The following ARHGAP10 variants were observed in gnomAD, a reference collection of about 807,000 sequenced individuals.
ARHGAP10 encodes rho GTPase-activating protein 10.
ARHGAP10 carries 87 observed loss-of-function variants against 108.6 expected under a neutral mutation model. The ratio of observed to expected loss-of-function variants is 0.80; its 90% CI spans 0.67 to 0.96. The LOEUF (loss-of-function observed/expected upper bound fraction) is 0.96, where lower values mean the gene tolerates loss of function less well. Ranked by LOEUF, ARHGAP10 falls within the 40% of genes least tolerant of loss-of-function variation. ARHGAP10 has a pLI of 0.00. For synonymous variants in ARHGAP10, 347 were observed against 341.1 expected (o/e 1.02, Z -0.19); for missense variants, 939 against 954.5 (o/e 0.98, Z 0.21).
At chr4:147,990,689 A>C (rs1428154453) in intron 18 of ARHGAP10, among the ~76,000 whole-genome samples, 2 of 152,202 alleles carry the variant, frequency 1.3e-5, no homozygotes, top group Non-Finnish European at 2.9e-5. Context: ...GAAAATTATC[A>C]CATGTTCTTA....
chr4:147,784,005 AAATT>A (rs1730690972), intron 1 of ARHGAP10, among the ~76,000 whole-genome samples: 1 of 139,290 alleles, frequency 7.2e-6, no homozygotes, highest in African/African-American at 2.6e-5. Context: ...ATAACACATT[AAATT>A]ATTATATAAT....
intron 1 of ARHGAP10, among the ~76,000 whole-genome samples, chr4:147,734,020 C>T (rs1220207915): frequency 6.6e-6 from 1 of 151,282 alleles, no homozygotes; most frequent in Non-Finnish European, 1.5e-5. Context: ...GGCGCCTATA[C>T]ATATGGAGGA....
At chr4:148,046,548 G>C (rs976091762) in intron 19 of ARHGAP10, among the ~76,000 whole-genome samples, 3 of 152,192 alleles carry the variant, frequency 2.0e-5, no homozygotes, top group Non-Finnish European at 4.4e-5. Context: ...CACAGGGCTG[G>C]TGTGCTGCTT....
intron 1 of ARHGAP10, among the ~76,000 whole-genome samples, chr4:147,783,078 T>A (rs922659854): frequency 7.0e-6 from 1 of 142,126 alleles, no homozygotes; most frequent in African/African-American, 2.5e-5. Flanking sequence ...ATATAAATTA[T>A]GTGTTAAATT....
chr4:148,022,466 A>G (rs1467228849), intron 18 of ARHGAP10, among the ~76,000 whole-genome samples: 2 of 152,228 alleles, frequency 1.3e-5, no homozygotes, highest in Admixed American at 6.5e-5. Context: ...GGCCTGCAGC[A>G]TTGCTGGAAG....
chr4:147,874,077 A>G (rs1734960342), intron 7 of ARHGAP10, among the ~76,000 whole-genome samples: 2 of 151,778 alleles, frequency 1.3e-5, no homozygotes, highest in Non-Finnish European at 2.9e-5. Flanking sequence ...TACAATCTAC[A>G]TTTATCAGAC....
In ARHGAP10 at chr4:147,999,926, G is replaced by GTTT. The variant is rs11298127; in HGVS notation, c.1717-23324_1717-23322dup. On this transcript the variant is annotated intron_variant, in intron 18 of 22. Transcript: ENST00000336498. ...GGGAAAAATAGCTCCTATTAACAGT[G>GTTT]TTTTTTTTTTTTTTTAAATTATACT... Among the ~76,000 whole-genome samples, 4 of 143,456 alleles carry GTTT rather than the reference G, an allele frequency of 2.8e-5. No individual in the cohort carries two copies. In the South Asian group the frequency reaches 8.9e-4, roughly 32 times the overall value. 94.1% of individuals were successfully genotyped at this position (143,456 alleles called of 152,430 possible).
chr4:148,045,780 A>G lies in ARHGAP10; in HGVS notation c.1868-1112A>G, dbSNP rs181690095. ...AAAAAAAAAAAGAAATCCATCTAAG[A>G]TGTTTTTTGAGAGCAAGGTCCTTGC... On this transcript the variant is annotated intron_variant, in intron 19 of 22. Coordinates refer to ENST00000336498, the MANE Select transcript of ARHGAP10 (RefSeq NM_024605.4). Among the ~76,000 whole-genome samples, 151 of 140,894 alleles carry G rather than the reference A, an allele frequency of 1.1e-3. 2 individuals carry two copies. Among genetic ancestry groups the G allele is most frequent in the Admixed American group, 9.3e-3 (132 of 14,268 alleles). The allele number at this position is 140,894 out of a possible 152,430, so 92.4% of individuals were successfully genotyped here.
At chr4:147,832,422 G>T (rs12647314) in intron 3 of ARHGAP10, among the ~76,000 whole-genome samples, 14,118 of 151,342 alleles carry the variant, frequency 0.093, 699 homozygotes, top group East Asian at 0.15. Context: ...GCCGAGGTGG[G>T]TGGATCTTGA....
Position 147,909,763 on chromosome 4 carries a change from C to T in ARHGAP10, c.1148C>T (p.Pro383Leu). The T allele has an allele frequency of 6.2e-7, 1 of 1,611,430 alleles. No individual in the cohort carries two copies. The highest frequency in any genetic ancestry group is 8.5e-7 in the Non-Finnish European group (1 of 1,177,648). Residue 383 changes from proline (P) to leucine (L), a missense_variant, in exon 12 of 23, where the codon CCA (proline) becomes CTA (leucine). Pro to Leu is a moderately conservative substitution (Grantham distance 98). Coordinates refer to ENST00000336498, the MANE Select transcript of ARHGAP10 (RefSeq NM_024605.4). ...CATAGTTTTAATACAGCCATCATCC[C>T]AAGACCAGAAGGAAGTAAGTGCTCA... is the stretch of plus-strand genomic sequence containing the variant. ...LSHSFNTAII[P>L]RPEGNAQLDK...
rs573897855 is a variant in ARHGAP10, at chr4:147,776,739, G to A, written c.154+44284G>A. On this transcript the variant is annotated intron_variant, in intron 1 of 22. Coordinates refer to ENST00000336498, the MANE Select transcript of ARHGAP10 (RefSeq NM_024605.4). ...TTCTGTTGGGTGAAGGTTTGATAGGGAACAGCTGCCTCGCTCATGGGGCAG... is the reference window on the plus strand; with the variant it reads ...TTCTGTTGGGTGAAGGTTTGATAGGAAACAGCTGCCTCGCTCATGGGGCAG... Among the ~76,000 whole-genome samples, 143 of 152,330 alleles carry A rather than the reference G, an allele frequency of 9.4e-4. 1 individual carries two copies. Among genetic ancestry groups the A allele is most frequent in the Admixed American group, 1.4e-3 (21 of 15,300 alleles).
In ARHGAP10 at chr4:148,062,718, G is replaced by C. The variant is rs1729675121; in HGVS notation, c.2028-430G>C. 2.0e-5 allele frequency among the ~76,000 whole-genome samples: 3 copies of C among 152,180 alleles called. No homozygotes were observed. The South Asian group carries it at 6.2e-4, about 32-fold the overall frequency. On this transcript the variant is annotated intron_variant, in intron 20 of 22. Coordinates refer to ENST00000336498, the MANE Select transcript of ARHGAP10 (RefSeq NM_024605.4). ...TTCTTCTGAATTGCCACACGTGTAG[G>C]AGCAGGTGAAAGATCTTTAAATGTT...
intron 10 of ARHGAP10, among the ~76,000 whole-genome samples, chr4:147,889,817 C>G (rs1735721867): frequency 6.6e-6 from 1 of 152,006 alleles, no homozygotes; most frequent in African/African-American, 2.4e-5. Flanking sequence ...AAATCAAGAG[C>G]TTTTACTTAT....
intron 1 of ARHGAP10, among the ~76,000 whole-genome samples, chr4:147,747,518 A>C (rs1405565207): frequency 4.6e-5 from 7 of 152,020 alleles, no homozygotes; most frequent in Non-Finnish European, 1.0e-4. Context: ...GGACACCCTG[A>C]CCGCCATGGA....
chr4:147,765,073 A>G lies in ARHGAP10; in HGVS notation c.154+32618A>G, dbSNP rs567088638. 3.1e-3 allele frequency among the ~76,000 whole-genome samples: 476 copies of G among 152,288 alleles called. 3 individuals carry two copies. The highest frequency in any genetic ancestry group is 5.6e-3 in the Admixed American group (86 of 15,288). On this transcript the variant is annotated intron_variant, in intron 1 of 22. Coordinates refer to ENST00000336498, the MANE Select transcript of ARHGAP10 (RefSeq NM_024605.4). ...TCATAACCTCTGTAGGTGTTCGTAG[A>G]TTCCAAGTTAATTTTTAGAATAGAC...
rs1206697952 is a variant in ARHGAP10, at chr4:147,784,831, A to AATATATTATAAAAT, written c.155-37883_155-37870dup. ...AATATATTATAAAATATATATTATAAATATATTATAAAATATATATTATAA... is the reference window on the plus strand; with the variant it reads ...AATATATTATAAAATATATATTATAAATATATTATAAAATATATATTATAAAATATATATTATAA... On this transcript the variant is annotated intron_variant, in intron 1 of 22. Coordinates refer to ENST00000336498, the MANE Select transcript of ARHGAP10 (RefSeq NM_024605.4). 4.2e-4 allele frequency among the ~76,000 whole-genome samples: 23 copies of AATATATTATAAAAT among 54,242 alleles called. 2 individuals are homozygous for AATATATTATAAAAT. Among genetic ancestry groups the AATATATTATAAAAT allele is most frequent in the Non-Finnish European group, 6.2e-4 (21 of 34,044 alleles). 35.6% of individuals were successfully genotyped at this position (54,242 alleles called of 152,430 possible).
intron 1 of ARHGAP10, among the ~76,000 whole-genome samples, chr4:147,821,102 G>A (rs1364522054): frequency 1.3e-5 from 2 of 152,084 alleles, no homozygotes; most frequent in Admixed American, 6.5e-5. Flanking sequence ...CAACTATACG[G>A]GGCCACTGAG....
chr4:147,996,161 T>C (rs1302717827), intron 18 of ARHGAP10, among the ~76,000 whole-genome samples: 3 of 152,134 alleles, frequency 2.0e-5, no homozygotes, highest in Non-Finnish European at 2.9e-5. Context: ...AAAGGTACAG[T>C]CTCCTCCTGA....
At chr4:148,027,558 A>AT in intron 19 of ARHGAP10, among the ~76,000 whole-genome samples, 1 of 152,356 alleles carries the variant, frequency 6.6e-6, no homozygotes. Context: ...TGGATAAACA[A>AT]TGACACGTGA....
Sources: gnomAD v4.1 joint callset for allele counts (sites outside exome capture counted in the v4.1 genomes callset) on GRCh38, gnomAD v4.1.1 for gene constraint, MANE v1.5 for transcripts, NCBI Gene and HGNC (gene_info 2026-07-23, HGNC 2026-07-21) for gene names.